SP140L: variants seen among roughly 807,000 people sequenced by gnomAD.
SP140L encodes the protein nuclear body protein SP140-like protein.
SP140L carries 64 observed loss-of-function variants against 84.3 expected under a neutral mutation model. That is an observed-to-expected ratio of 0.76 (90% CI 0.62 to 0.94). SP140L has a LOEUF of 0.94. Among genes scored for constraint, SP140L ranks in the 40% least tolerant of loss-of-function variants. The probability of loss-of-function intolerance (pLI) is 0.00; values close to 1 mark genes in which losing one functional copy is unlikely to be tolerated. For synonymous variants in SP140L, 242 were observed against 236.9 expected, an observed-to-expected ratio of 1.02 and a Z score of -0.20; for missense variants, 628 against 692.5, an observed-to-expected ratio of 0.91 and a Z score of 1.05.
At chr2:230,369,848 A>C (rs926842564) in intron 5 of SP140L, among the ~76,000 whole-genome samples, 3 of 152,196 alleles carry the variant, frequency 2.0e-5, no homozygotes, top group African/African-American at 7.2e-5. Flanking sequence ...TGGCTCACTC[A>C]CTGCAGCCTC....
At chr2:230,362,881 G>A (rs141387015) in intron 5 of SP140L, among the ~76,000 whole-genome samples, 15 of 148,576 alleles carry the variant, frequency 1.0e-4, no homozygotes, top group African/African-American at 3.3e-4. Flanking sequence ...CAGAAAGAAA[G>A]ATACAGAAAA....
chr2:230,347,923 G>C (rs916566668), intron 2 of SP140L, among the ~76,000 whole-genome samples: 1 of 152,234 alleles, frequency 6.6e-6, no homozygotes, highest in African/African-American at 2.4e-5. Context: ...CCAGCATGGT[G>C]ATCCATGCAC....
At chr2:230,354,861 G>GA (rs1261235621) in intron 2 of SP140L, among the ~76,000 whole-genome samples, 1 of 95,858 alleles carries the variant, frequency 1.0e-5, no homozygotes, top group Non-Finnish European at 2.2e-5. Context: ...AAGAAAGAAA[G>GA]AAAGAAAGAA....
At chr2:230,340,340 C>T (rs1310193519) in intron 2 of SP140L, among the ~76,000 whole-genome samples, 2 of 147,774 alleles carry the variant, frequency 1.4e-5, no homozygotes, top group Non-Finnish European at 3.0e-5. Context: ...TTTCCATTGG[C>T]TTGGTAGATC....
At chr2:230,386,444 T>C (rs1006768220) in intron 9 of SP140L, among the ~76,000 whole-genome samples, 1 of 152,200 alleles carries the variant, frequency 6.6e-6, no homozygotes, top group Non-Finnish European at 1.5e-5. Flanking sequence ...CACTTCTTTC[T>C]AGAGGTTAAT....
chr2:230,368,938 G>A (rs779637252), intron 5 of SP140L, among the ~76,000 whole-genome samples: 2 of 152,188 alleles, frequency 1.3e-5, no homozygotes, highest in Non-Finnish European at 2.9e-5. Context: ...TCTTTGTGAA[G>A]CAGTTTGTTA....
At chr2:230,377,362 G>A (rs916811391) in intron 7 of SP140L, among the ~76,000 whole-genome samples, 2 of 152,024 alleles carry the variant, frequency 1.3e-5, no homozygotes, top group African/African-American at 4.8e-5. Context: ...TAGTTTTGCC[G>A]TTTCTGGAGT....
chr2:230,400,024 T>A, intron 14 of SP140L, 103 bp from the exon 15 acceptor site: 1 of 1,210,250 alleles, frequency 8.3e-7, no homozygotes, highest in Non-Finnish European at 1.2e-6. Context: ...CATATGCCTG[T>A]CTATACAGGC....
intron 2 of SP140L, among the ~76,000 whole-genome samples, chr2:230,355,389 A>G (rs2060511435): frequency 6.6e-6 from 1 of 152,200 alleles, no homozygotes; most frequent in African/African-American, 2.4e-5. Context: ...TTAATGAAAG[A>G]TGTGCTTGAT....
chr2:230,356,429 T>G (rs1236550405), intron 2 of SP140L, among the ~76,000 whole-genome samples: 3 of 152,128 alleles, frequency 2.0e-5, no homozygotes, highest in Non-Finnish European at 4.4e-5. Flanking sequence ...ATGAACAAAC[T>G]AACTGTTCAA....
chr2:230,398,455 A>T (rs72495180), intron 14 of SP140L, among the ~76,000 whole-genome samples: 40,830 of 152,178 alleles, frequency 0.27, 5,827 homozygotes, highest in Non-Finnish European at 0.31. Flanking sequence ...CTCAGACAGA[A>T]CAGCGTGTTG....
intron 13 of SP140L, among the ~76,000 whole-genome samples, chr2:230,394,713 C>T (rs2061971425): frequency 6.6e-6 from 1 of 152,186 alleles, no homozygotes; most frequent in African/African-American, 2.4e-5. Flanking sequence ...GTTATGTCTC[C>T]TCATGGGGAG....
intron 2 of SP140L, among the ~76,000 whole-genome samples, chr2:230,339,423 T>A (rs1249027322): frequency 1.3e-5 from 2 of 151,622 alleles, no homozygotes; most frequent in African/African-American, 4.8e-5. Context: ...GTCTATCAAT[T>A]TTGTTGATCC....
chr2:230,376,070 G>A (rs768036231), intron 7 of SP140L, among the ~76,000 whole-genome samples: 1 of 152,110 alleles, frequency 6.6e-6, no homozygotes, highest in African/African-American at 2.4e-5. Flanking sequence ...TCTATTTGGA[G>A]TTAATTGTTG....
At chr2:230,332,473 C>A (rs934648506) in intron 2 of SP140L, among the ~76,000 whole-genome samples, 3 of 152,178 alleles carry the variant, frequency 2.0e-5, no homozygotes, top group Non-Finnish European at 4.4e-5. Flanking sequence ...CATAATAGGG[C>A]AGAAGATGAA....
chr2:230,383,042 T>C (rs895163054), intron 7 of SP140L, among the ~76,000 whole-genome samples: 2 of 152,232 alleles, frequency 1.3e-5, no homozygotes, highest in African/African-American at 4.8e-5. Flanking sequence ...TGAAATTATA[T>C]AGAAATTCTA....
chr2:230,328,626 A>C lies in SP140L; in HGVS notation c.33-131A>C, dbSNP rs1053707555. 5.1e-6 allele frequency: 6 copies of C among 1,185,382 alleles called. No homozygotes were observed. In the South Asian group the frequency reaches 1.1e-4, roughly 22 times the overall value. The allele number at this position is 1,185,382 out of a possible 1,614,324, so 73.4% of individuals were successfully genotyped here. A position where few individuals can be genotyped will look rare whatever the true frequency, so the allele number is the denominator to read the frequency against. ...CGTTTATCAATAAGCTATAATAATG[A>C]TTATATATTTCTCTTTTTTTTGCAC... On this transcript the variant is annotated intron_variant, in intron 1 of 18. Transcript: ENST00000415673.
intron 5 of SP140L, among the ~76,000 whole-genome samples, chr2:230,367,876 G>C (rs1255983811): frequency 6.6e-6 from 1 of 152,216 alleles, no homozygotes; most frequent in East Asian, 1.9e-4. Flanking sequence ...AGGTTGCTGT[G>C]AGCTGAGATC....
At chr2:230,330,283 T>A (rs2059691100) in intron 2 of SP140L, among the ~76,000 whole-genome samples, 1 of 152,222 alleles carries the variant, frequency 6.6e-6, no homozygotes, top group Non-Finnish European at 1.5e-5. Flanking sequence ...TATCTTACCC[T>A]TTTCCCCACT....
Sources: allele counts gnomAD v4.1 joint callset (sites outside exome capture counted in the v4.1 genomes callset), GRCh38; gene constraint gnomAD v4.1.1; transcripts MANE v1.5; gene names NCBI Gene and HGNC (gene_info 2026-07-23, HGNC 2026-07-21).